HGF: variants seen among roughly 807,000 people sequenced by gnomAD.
HGF encodes the protein hepatocyte growth factor, also known as fibroblast-derived tumor cytotoxic factor.
A neutral mutation model predicts 111.6 loss-of-function variants in HGF; 39 were observed. The ratio of observed to expected loss-of-function variants is 0.35; its 90% CI spans 0.27 to 0.46. The LOEUF (loss-of-function observed/expected upper bound fraction) is 0.46, where lower values mean the gene tolerates loss of function less well. HGF is among the 20% of genes least tolerant of loss of function. HGF has a pLI of 1.00. For synonymous variants in HGF, 285 were observed against 294.8 expected, an observed-to-expected ratio of 0.97 and a Z score of 0.34; for missense variants, 735 against 910.5, an observed-to-expected ratio of 0.81 and a Z score of 2.48.
chr7:81,741,828 C>G (rs976373798), intron 7 of HGF, among the ~76,000 whole-genome samples: 1 of 149,930 alleles, frequency 6.7e-6, no homozygotes, highest in Non-Finnish European at 1.5e-5. Flanking sequence ...ATCCCAGCTT[C>G]TCAGGAGGCT....
chr7:81,769,440 C>G (rs981353507), intron 1 of HGF, among the ~76,000 whole-genome samples: 1 of 152,142 alleles, frequency 6.6e-6, no homozygotes, highest in Non-Finnish European at 1.5e-5. Context: ...CAAATGTTGA[C>G]TAGGTGATGT....
Position 81,736,326 on chromosome 7 carries a change from C to T in HGF, c.866-6547G>A, listed in dbSNP as rs114874723. Among the ~76,000 whole-genome samples, 1,092 of 152,154 alleles carry T rather than the reference C, an allele frequency of 7.2e-3. 8 individuals carry two copies. The highest frequency in any genetic ancestry group is 0.025 in the African/African-American group (1,042 of 41,538). On this transcript the variant is annotated intron_variant, in intron 7 of 17. Coordinates refer to ENST00000222390, the MANE Select transcript of HGF (RefSeq NM_000601.6). ...TTTGTCTAGCATTGTATATGCAACC[C>T]GCCCATTTAGTCACTTAGTAGCCTT...
At chr7:81,711,435 CAGAG>C (rs1562873944) in intron 12 of HGF, 42 bp downstream of exon 12, 3 of 1,113,048 alleles carry the variant, frequency 2.7e-6, no homozygotes, top group South Asian at 1.5e-5. Context: ...TTCTGACACA[CAGAG>C]AGAGACTCAG....
chr7:81,728,306 TTAAGCTTC>T (rs1212888031), intron 8 of HGF, among the ~76,000 whole-genome samples: 1 of 152,254 alleles, frequency 6.6e-6, no homozygotes, highest in Non-Finnish European at 1.5e-5. Flanking sequence ...CTTCTGATAC[TTAAGCTTC>T]ACTTGTGAAG....
chr7:81,763,140 T>TACCCTAA, intron 1 of HGF: 1 of 448,706 alleles, frequency 2.2e-6, no homozygotes. Flanking sequence ...CAGGACAGAG[T>TACCCTAA]TCACACTAAA....
intron 13 of HGF, among the ~76,000 whole-genome samples, chr7:81,709,482 T>C (rs566152069): frequency 6.6e-6 from 1 of 152,336 alleles, no homozygotes; most frequent in Non-Finnish European, 1.5e-5. Context: ...ATTTTCAGTA[T>C]TTAATTCTTA....
intron 3 of HGF, among the ~76,000 whole-genome samples, chr7:81,757,769 G>A (rs553516551): frequency 2.4e-4 from 37 of 151,920 alleles, no homozygotes; most frequent in African/African-American, 8.4e-4. Context: ...TTGCTTATTA[G>A]TTTCCATATT....
chr7:81,743,829 G>A (rs535432102), intron 6 of HGF, among the ~76,000 whole-genome samples: 1 of 152,116 alleles, frequency 6.6e-6, no homozygotes, highest in Non-Finnish European at 1.5e-5. Context: ...TCTAGGGAAG[G>A]CTTAAAGTTC....
rs1057097153 is a variant in HGF at position 81,701,495 on chromosome 7, A to C, written c.*1086T>G. Reference sequence around the variant, plus strand: ...AAATTTTCCTCTTAAATTTTTTAAAATTTAAAGGCAGTGAGCTAGAAGCCA... The same window carrying C: ...AAATTTTCCTCTTAAATTTTTTAAACTTTAAAGGCAGTGAGCTAGAAGCCA... On this transcript the variant is annotated 3_prime_UTR_variant, in exon 18 of 18. Coordinates refer to ENST00000222390, the MANE Select transcript of HGF (RefSeq NM_000601.6). 1 of 151,588 alleles carries C rather than the reference A, an allele frequency of 6.6e-6. No individual in the cohort carries two copies. The highest frequency in any genetic ancestry group is 6.6e-5 in the Admixed American group (1 of 15,142). The allele number at this position is 151,588 out of a possible 1,614,324, so 9.4% of individuals were successfully genotyped here. A position where few individuals can be genotyped will look rare whatever the true frequency, so the allele number is the denominator to read the frequency against.
chr7:81,737,920 A>G (rs183970742), intron 7 of HGF, among the ~76,000 whole-genome samples: 1 of 152,242 alleles, frequency 6.6e-6, no homozygotes, highest in Non-Finnish European at 1.5e-5. Context: ...GTGATTTCTA[A>G]GGGGTATCAA....
chr7:81,721,806 C>G (rs1265125538), intron 9 of HGF, among the ~76,000 whole-genome samples: 1 of 152,162 alleles, frequency 6.6e-6, no homozygotes, highest in East Asian at 1.9e-4. Context: ...AGGAAAAACT[C>G]CTCTGTATTT....
intron 11 of HGF, among the ~76,000 whole-genome samples, chr7:81,714,598 A>G (rs1251729472): frequency 6.6e-6 from 1 of 152,116 alleles, no homozygotes; most frequent in Middle Eastern, 3.2e-3. Context: ...AAAATAGTAT[A>G]CTAACTGTGT....
In HGF at chr7:81,707,304, C is replaced by T. The variant is rs1314775706; in HGVS notation, c.1602G>A (p.Gln534=). 2.5e-6 allele frequency: 4 copies of T among 1,588,946 alleles called. No homozygotes were observed. Among genetic ancestry groups the T allele is most frequent in the African/African-American group, 1.3e-5 (1 of 74,328 alleles). Residue 534 remains glutamine (Q), a synonymous_variant, in exon 14 of 18, where the codon CAG becomes CAA. Coordinates refer to ENST00000222390, the MANE Select transcript of HGF (RefSeq NM_000601.6). ...AAACACTTTACCGAGAAGGGAAACACTGTCGTGCAGTAAGAACCCAACTCT... is the reference window on the plus strand; with the variant it reads ...AAACACTTTACCGAGAAGGGAAACATTGTCGTGCAGTAAGAACCCAACTCT... The part of the protein sequence containing the change: ...IKESWVLTAR[Q]CFPSRDLKDY...
intron 1 of HGF, among the ~76,000 whole-genome samples, chr7:81,765,944 G>T (rs1342241961): frequency 3.9e-5 from 6 of 152,086 alleles, no homozygotes; most frequent in Non-Finnish European, 1.5e-5. Context: ...GAAATCAAAG[G>T]GTGAGAGATC....
chr7:81,732,027 T>C (rs1787677511), intron 7 of HGF, among the ~76,000 whole-genome samples: 1 of 152,170 alleles, frequency 6.6e-6, no homozygotes, highest in Non-Finnish European at 1.5e-5. Flanking sequence ...TCCTACTTAA[T>C]TGTATGTGAT....
chr7:81,755,954 G>T (rs1583999326), intron 4 of HGF: 1 of 697,910 alleles, frequency 1.4e-6, no homozygotes. Context: ...TTCTTTCTGT[G>T]TTGGTCAATA....
intron 8 of HGF, among the ~76,000 whole-genome samples, chr7:81,728,163 A>G (rs1790069535): frequency 6.6e-6 from 1 of 152,186 alleles, no homozygotes. Context: ...TCCTGAGAAA[A>G]ATGTTGAATC....
At chr7:81,719,157 T>C (rs1789789456) in intron 10 of HGF, among the ~76,000 whole-genome samples, 1 of 152,174 alleles carries the variant, frequency 6.6e-6, no homozygotes, top group Admixed American at 6.5e-5. Flanking sequence ...GCACATGCAA[T>C]TTCTTGTGTC....
At chr7:81,750,034 A>G (rs1788427425) in intron 5 of HGF, among the ~76,000 whole-genome samples, 1 of 152,090 alleles carries the variant, frequency 6.6e-6, no homozygotes, top group African/African-American at 2.4e-5. Flanking sequence ...GTATCCATGG[A>G]TAGAAATGGC....
Sources: gnomAD v4.1 joint callset for allele counts (sites outside exome capture counted in the v4.1 genomes callset) on GRCh38, gnomAD v4.1.1 for gene constraint, MANE v1.5 for transcripts, NCBI Gene and HGNC (gene_info 2026-07-23, HGNC 2026-07-21) for gene names.